FOXN3: variants seen among roughly 807,000 people sequenced by gnomAD.
The protein encoded by FOXN3 is forkhead box protein N3.
A neutral mutation model predicts 38.4 loss-of-function variants in FOXN3; 7 were observed. That is an observed-to-expected ratio of 0.18 (90% CI 0.10 to 0.34). The LOEUF is 0.34. FOXN3 is among the 10% of genes least tolerant of loss of function. The pLI, the probability that FOXN3 is intolerant of heterozygous loss-of-function variation, is 1.00. For missense variants in FOXN3, 456 were observed against 613.4 expected, an observed-to-expected ratio of 0.74 and a Z score of 2.71; for synonymous variants, 230 against 242.2, an observed-to-expected ratio of 0.95 and a Z score of 0.47.
chr14:89,473,672 C>T (rs1045325680), intron 1 of FOXN3, among the ~76,000 whole-genome samples: 5 of 152,144 alleles, frequency 3.3e-5, no homozygotes, highest in Non-Finnish European at 5.9e-5. Context: ...TTGGCCTCCA[C>T]GACACTCTTG....
intron 4 of FOXN3, among the ~76,000 whole-genome samples, chr14:89,248,264 G>T (rs950713095): frequency 6.6e-6 from 1 of 152,194 alleles, no homozygotes; most frequent in African/African-American, 2.4e-5. Context: ...CTAATCCAGC[G>T]ACTGATATAA....
intron 1 of FOXN3, among the ~76,000 whole-genome samples, chr14:89,520,458 T>C (rs1894296691): frequency 6.6e-6 from 1 of 152,072 alleles, no homozygotes; most frequent in Non-Finnish European, 1.5e-5. Flanking sequence ...GGGACAACCA[T>C]GAAAGTTAGA....
At position 89,411,952 on chromosome 14, in the gene FOXN3, C is replaced by T. The variant is rs1421733264; in HGVS notation, c.525G>A (p.Val175=). The part of the protein sequence containing the change: ...NLSLNKCFKK[V]DKERSQSIGK... ...GGCTTACCTGACTCCTCTCTTTGTC[C>T]ACTTTCTTAAAACACTTATTCAATG... is the stretch of plus-strand genomic sequence containing the variant. The change falls in exon 2 of 6, where the codon GTG becomes GTA. Residue 175 remains valine, a synonymous_variant. Transcript: ENST00000557258. The T allele has an allele frequency of 6.6e-7, 1 of 1,511,194 alleles. No homozygotes were observed. Among genetic ancestry groups the T allele is most frequent in the African/African-American group, 1.4e-5 (1 of 72,190 alleles). The allele number at this position is 1,511,194 out of a possible 1,614,324, so 93.6% of individuals were successfully genotyped here.
intron 3 of FOXN3, among the ~76,000 whole-genome samples, chr14:89,323,137 A>C (rs1887940531): frequency 2.0e-5 from 3 of 151,822 alleles, no homozygotes; most frequent in Admixed American, 6.6e-5. Context: ...AAATACAAAA[A>C]ATTAGCCAGG....
chr14:89,606,647 C>T (rs937900455), intron 1 of FOXN3, among the ~76,000 whole-genome samples: 2 of 151,982 alleles, frequency 1.3e-5, no homozygotes, highest in South Asian at 2.1e-4. Flanking sequence ...GTCAGGAGTT[C>T]GAGACCAGCT....
At chr14:89,270,847 G>A (rs539111648) in intron 4 of FOXN3, among the ~76,000 whole-genome samples, 2 of 152,280 alleles carry the variant, frequency 1.3e-5, no homozygotes, top group East Asian at 1.9e-4. Flanking sequence ...GTGTGGAATG[G>A]ACTCAAGTAT....
Position 89,197,676 on chromosome 14 carries a change from G to C in FOXN3, c.746-16870C>G, listed in dbSNP as rs562096898. On this transcript the variant is annotated intron_variant, in intron 4 of 5. Transcript: ENST00000557258. ...CCAGCTGCCTGAGGCCTGGCACCCAGCTTGGGGGAGAAGTACTGGATGCTC... is the reference window on the plus strand; with the variant it reads ...CCAGCTGCCTGAGGCCTGGCACCCACCTTGGGGGAGAAGTACTGGATGCTC... 4.8e-4 allele frequency among the ~76,000 whole-genome samples: 73 copies of C among 152,314 alleles called. No individual in the cohort carries two copies. In the South Asian group the frequency reaches 8.3e-3, roughly 17 times the overall value.
Position 89,397,441 on chromosome 14 carries a change from T to TAAA in FOXN3, c.543+14490_543+14492dup, listed in dbSNP as rs35139656. On this transcript the variant is annotated intron_variant, in intron 2 of 5. Coordinates refer to ENST00000557258, the MANE Select transcript of FOXN3 (RefSeq NM_005197.4). ...GTACCCCCAAACCTAAAATAAAAGTTAAAAAAAAAAAAAAAAAAAGAATCC... is the reference window on the plus strand; with the variant it reads ...GTACCCCCAAACCTAAAATAAAAGTTAAAAAAAAAAAAAAAAAAAAAAGAATCC... Among the ~76,000 whole-genome samples, 88 of 120,626 alleles carry TAAA rather than the reference T, an allele frequency of 7.3e-4. 1 individual carries two copies. The highest frequency in any genetic ancestry group is 4.1e-3 in the Middle Eastern group (1 of 244). The allele number at this position is 120,626 out of a possible 152,430, so 79.1% of individuals were successfully genotyped here. A position where few individuals can be genotyped will look rare whatever the true frequency, so the allele number is the denominator to read the frequency against.
At chr14:89,368,324 C>G (rs1271632800) in intron 2 of FOXN3, among the ~76,000 whole-genome samples, 1 of 117,466 alleles carries the variant, frequency 8.5e-6, no homozygotes, top group African/African-American at 2.8e-5. Flanking sequence ...GAGTGAAACT[C>G]TGTCTCAAAA....
At chr14:89,167,651 CTATAA>C (rs1467015627) in intron 5 of FOXN3, among the ~76,000 whole-genome samples, 1 of 152,080 alleles carries the variant, frequency 6.6e-6, no homozygotes, top group African/African-American at 2.4e-5. Flanking sequence ...TCTCTTCTGA[CTATAA>C]TATAAAAGAT....
chr14:89,473,313 C>T (rs533276598), intron 1 of FOXN3, among the ~76,000 whole-genome samples: 76 of 152,022 alleles, frequency 5.0e-4, no homozygotes, highest in Non-Finnish European at 9.4e-4. Flanking sequence ...CGTGAGCCAC[C>T]GTGCCCGGCC....
chr14:89,351,787 A>G (rs776488101), intron 2 of FOXN3, among the ~76,000 whole-genome samples: 9 of 152,202 alleles, frequency 5.9e-5, no homozygotes, highest in Non-Finnish European at 1.0e-4. Context: ...AGCCAACAGT[A>G]AGATTGATGT....
chr14:89,169,375 A>C (rs1051314877), intron 5 of FOXN3, among the ~76,000 whole-genome samples: 1 of 152,192 alleles, frequency 6.6e-6, no homozygotes, highest in African/African-American at 2.4e-5. Context: ...CAGGAGGCTG[A>C]GGCTGCAGTG....
At chr14:89,256,815 G>A (rs951737957) in intron 4 of FOXN3, among the ~76,000 whole-genome samples, 1 of 152,060 alleles carries the variant, frequency 6.6e-6, no homozygotes, top group Non-Finnish European at 1.5e-5. Flanking sequence ...TGACTTTCTC[G>A]ACACTGGCTC....
At chr14:89,374,263 C>CA (rs35623770) in intron 2 of FOXN3, among the ~76,000 whole-genome samples, 19,939 of 48,142 alleles carry the variant, frequency 0.41, 6,641 homozygotes, top group Admixed American at 0.53. Context: ...GACCTTGTCT[C>CA]AAAAAAAAAA....
intron 1 of FOXN3, among the ~76,000 whole-genome samples, chr14:89,472,511 G>T (rs971094577): frequency 6.6e-6 from 1 of 152,072 alleles, no homozygotes; most frequent in African/African-American, 2.4e-5. Context: ...ACGAGGTCAG[G>T]AGATCGAGAC....
chr14:89,426,550 A>G (rs1287718697), intron 1 of FOXN3, among the ~76,000 whole-genome samples: 2 of 152,152 alleles, frequency 1.3e-5, no homozygotes, highest in Middle Eastern at 3.4e-3. Flanking sequence ...GATTACAGGT[A>G]AATTTTAGCA....
chr14:89,412,292 T>C lies in FOXN3; in HGVS notation c.185A>G (p.Asn62Ser). Reference protein sequence around the residue: ...EGAMEDEELTNLNWLHESKNL... With the variant: ...EGAMEDEELTSLNWLHESKNL... Reference sequence around the variant, plus strand: ...CTTGCTCTCGTGCAGCCAGTTCAGGTTGGTCAGCTCTTCATCTTCCATGGC... The same window carrying C: ...CTTGCTCTCGTGCAGCCAGTTCAGGCTGGTCAGCTCTTCATCTTCCATGGC... The change falls in exon 2 of 6, where the codon AAC (asparagine) becomes AGC (serine). Residue 62 changes from asparagine (N) to serine (S), a missense_variant. By Grantham distance (46) the Asn-to-Ser change is conservative. Coordinates refer to ENST00000557258, the MANE Select transcript of FOXN3 (RefSeq NM_005197.4). The surrounding 1 kb of genome is among the most constrained non-coding windows in gnomAD (Gnocchi z 4.7). 6.2e-7 allele frequency: 1 copy of C among 1,614,124 alleles called. No homozygotes were observed. Among genetic ancestry groups the C allele is most frequent in the Non-Finnish European group, 8.5e-7 (1 of 1,180,018 alleles).
chr14:89,587,076 C>T (rs534240467), intron 1 of FOXN3, among the ~76,000 whole-genome samples: 2 of 152,334 alleles, frequency 1.3e-5, no homozygotes, highest in South Asian at 2.1e-4. Context: ...AGGCTGGAGA[C>T]CCAGGGAAGA....
Sources: gnomAD v4.1 joint callset for allele counts (sites outside exome capture counted in the v4.1 genomes callset) on GRCh38, gnomAD v4.1.1 for gene constraint, Gnocchi (gnomAD v3.1) non-coding constraint, MANE v1.5 for transcripts, NCBI Gene and HGNC (gene_info 2026-07-23, HGNC 2026-07-21) for gene names.